The following ZNF185 variants were observed in gnomAD, a reference collection of about 807,000 sequenced individuals.
ZNF185 encodes zinc finger protein 185 with LIM domain, also known as zinc finger protein 185.
ZNF185 carries 56 observed loss-of-function variants against 58.6 expected under a neutral mutation model. The observed-to-expected ratio is 0.95, with a 90% CI of 0.77 to 1.19. The LOEUF (loss-of-function observed/expected upper bound fraction) is 1.19, where lower values mean the gene tolerates loss of function less well. Ranked by LOEUF, ZNF185 falls within the 50% of genes most tolerant of loss-of-function variation. The pLI, the probability that ZNF185 is intolerant of heterozygous loss-of-function variation, is 0.00. For synonymous variants in ZNF185, 230 were observed against 215.9 expected, an observed-to-expected ratio of 1.07 and a Z score of -0.57; for missense variants, 627 against 573.5, an observed-to-expected ratio of 1.09 and a Z score of -0.95.
chrX:152,920,863 T>C, intron 9 of ZNF185, 115 bp downstream of exon 10: 1 of 906,248 alleles, frequency 1.1e-6, no homozygotes, highest in Non-Finnish European at 1.6e-6. Flanking sequence ...GGGGGACTAC[T>C]GTCCCTGAGC....
chrX:152,906,376 C>T, the ZNF185 span, among the ~76,000 whole-genome samples: 2 of 113,276 alleles, frequency 1.8e-5, no homozygotes, highest in Non-Finnish European at 3.7e-5. Context: ...CCTCTGCCTC[C>T]ATTAAAGCTC....
At chrX:152,917,359 A>T (rs782648534) in exon 5 of ZNF185, 6 of 1,211,175 alleles carry the variant, frequency 5.0e-6, no homozygotes, top group Non-Finnish European at 5.6e-6. Flanking sequence ...GGGACTCCAA[A>T]AAGGTATGTC....
At chrX:152,957,457 G>C (rs1463613933) in intron 16 of ZNF185, among the ~76,000 whole-genome samples, 1 of 111,962 alleles carries the variant, frequency 8.9e-6, no homozygotes, top group Non-Finnish European at 1.9e-5. Flanking sequence ...GAGCCCAGAA[G>C]GAGTCTAGAG....
At chrX:152,940,379 G>C (rs377531783) in intron 15 of ZNF185, among the ~76,000 whole-genome samples, 1 of 91,663 alleles carries the variant, frequency 1.1e-5, no homozygotes, top group Non-Finnish European at 2.1e-5. Flanking sequence ...GTATACATTA[G>C]TTAGGTCCAG....
the ZNF185 span, among the ~76,000 whole-genome samples, chrX:152,905,163 G>C: frequency 8.8e-6 from 1 of 113,148 alleles, no homozygotes; most frequent in East Asian, 2.8e-4. Context: ...TGACATGACA[G>C]ATGATAAGGC....
exon 14 of ZNF185, chrX:152,932,879 T>G: frequency 5.8e-6 from 7 of 1,201,195 alleles, no homozygotes; most frequent in Non-Finnish European, 6.8e-6. Flanking sequence ...ACAGGTCAAG[T>G]GCACAGTTGA....
intron 11 of ZNF185, among the ~76,000 whole-genome samples, chrX:152,927,572 C>G (rs906116220): frequency 3.6e-5 from 4 of 111,786 alleles, no homozygotes; most frequent in Non-Finnish European, 7.5e-5. Flanking sequence ...CATACCAGAT[C>G]TAGTCTGTAC....
At chrX:152,898,086 C>T in the ZNF185 span, among the ~76,000 whole-genome samples, 2 of 110,245 alleles carry the variant, frequency 1.8e-5, no homozygotes, top group Non-Finnish European at 3.8e-5. Flanking sequence ...CTCCTCGCCT[C>T]CCTGCGCGCT....
At chrX:152,943,109 A>G (rs955126714) in intron 15 of ZNF185, among the ~76,000 whole-genome samples, 45 of 110,775 alleles carry the variant, frequency 4.1e-4, no homozygotes, top group African/African-American at 1.4e-3. Context: ...GGCTCAAGTG[A>G]TTCTCCTGCC....
At chrX:152,925,981 A>G (rs1328557857) in intron 11 of ZNF185, among the ~76,000 whole-genome samples, 3 of 111,798 alleles carry the variant, frequency 2.7e-5, no homozygotes, top group Non-Finnish European at 5.7e-5. Context: ...TCTTGGAGAA[A>G]CTGGTTCTAC....
At chrX:152,925,287 C>A (rs1414230374) in intron 11 of ZNF185, among the ~76,000 whole-genome samples, 1 of 110,915 alleles carries the variant, frequency 9.0e-6, no homozygotes, top group Non-Finnish European at 1.9e-5. Context: ...GCCTGGGTGA[C>A]AGAGCAAGAC....
chrX:152,910,658 G>C (rs1475968259), upstream of ZNF185, among the ~76,000 whole-genome samples: 4 of 112,418 alleles, frequency 3.6e-5, no homozygotes, highest in Non-Finnish European at 7.5e-5. Context: ...GATGACACCT[G>C]TTTCATATAC....
At chrX:152,904,589 A>T in the ZNF185 span, among the ~76,000 whole-genome samples, 1 of 112,622 alleles carries the variant, frequency 8.9e-6, no homozygotes, top group South Asian at 3.6e-4. Flanking sequence ...CACCGGCTTA[A>T]ATCAGCCTGG....
intron 18 of ZNF185, among the ~76,000 whole-genome samples, chrX:152,964,366 A>G (rs2049893416): frequency 8.9e-6 from 1 of 112,623 alleles, no homozygotes; most frequent in Non-Finnish European, 1.9e-5. Context: ...GGCAGGCTGC[A>G]CAAGCATGGC....
rs1180642253 is a variant in ZNF185, at chrX:152,970,658, T to G, written c.*117T>G. 1.8e-5 allele frequency: 11 copies of G among 608,046 alleles called. No individual in the cohort carries two copies. In the African/African-American group the frequency reaches 2.3e-4, roughly 13 times the overall value. The allele number at this position is 608,046 out of a possible 1,213,427, so 50.1% of individuals were successfully genotyped here. ...CACAGCTATCTTTCTTGGCTCTTCCTTATGTTCAGGGGGCCTTGTGTCCTC... is the reference window on the plus strand; with the variant it reads ...CACAGCTATCTTTCTTGGCTCTTCCGTATGTTCAGGGGGCCTTGTGTCCTC... On this transcript the variant is annotated intron_variant, in intron 22 of 22. Coordinates refer to ENST00000449285, the Ensembl canonical transcript of ZNF185.
chrX:152,961,538 T>C (rs2049477744), intron 17 of ZNF185, among the ~76,000 whole-genome samples: 1 of 111,282 alleles, frequency 9.0e-6, no homozygotes, highest in South Asian at 3.8e-4. Flanking sequence ...TTTCCCAAAG[T>C]GGCCATGAGT....
At chrX:152,911,870 TCCATC>T (rs1477396340), upstream of ZNF185, among the ~76,000 whole-genome samples, 9 of 64,679 alleles carry the variant, frequency 1.4e-4, no homozygotes, top group East Asian at 5.9e-4. Context: ...ATCCATCCCA[TCCATC>T]CCATCCCATC....
chrX:152,938,978 T>C (rs782191277), intron 15 of ZNF185, among the ~76,000 whole-genome samples: 1 of 105,846 alleles, frequency 9.4e-6, no homozygotes, highest in Non-Finnish European at 2.0e-5. Flanking sequence ...ACAAACCAAC[T>C]AACCCTGAGG....
exon 5 of ZNF185, chrX:152,917,341 A>G: frequency 8.3e-7 from 1 of 1,211,600 alleles, no homozygotes; most frequent in Non-Finnish European, 1.1e-6. Context: ...CAGTTCCCCA[A>G]GGCCAACGGG....
Sources: allele counts gnomAD v4.1 joint callset (sites outside exome capture counted in the v4.1 genomes callset), GRCh38; gene constraint gnomAD v4.1.1; transcripts MANE v1.5; gene names NCBI Gene and HGNC (gene_info 2026-07-23, HGNC 2026-07-21).